The following LRFN5 variants were observed in gnomAD, a reference collection of about 807,000 sequenced individuals.
The protein encoded by LRFN5 is leucine-rich repeat and fibronectin type-III domain-containing protein 5.
In LRFN5, 24 loss-of-function variants were observed where a neutral mutation model predicts 45.6. The observed-to-expected ratio is 0.53, with a 90% CI of 0.38 to 0.74. The LOEUF (loss-of-function observed/expected upper bound fraction) is 0.74, where lower values mean the gene tolerates loss of function less well. Ranked by LOEUF, LRFN5 falls within the 30% of genes least tolerant of loss-of-function variation. LRFN5 has a pLI of 0.00. For missense variants in LRFN5, 776 were observed against 861.5 expected (o/e 0.90, Z 1.24); for synonymous variants, 340 against 313.8 (o/e 1.08, Z -0.88).
At chr14:41,695,825 C>G (rs939553679) in intron 1 of LRFN5, among the ~76,000 whole-genome samples, 6 of 151,936 alleles carry the variant, frequency 3.9e-5, no homozygotes, top group Non-Finnish European at 7.4e-5. Context: ...ATTTCCATGC[C>G]TGCTAACAAC....
At chr14:41,730,912 T>C (rs1566641120) in intron 1 of LRFN5, among the ~76,000 whole-genome samples, 1 of 152,080 alleles carries the variant, frequency 6.6e-6, no homozygotes, top group Non-Finnish European at 1.5e-5. Context: ...ATATGTTAAT[T>C]GAATGAAAGG....
At chr14:41,611,561 A>G (rs1887757772) in intron 1 of LRFN5, among the ~76,000 whole-genome samples, 1 of 152,188 alleles carries the variant, frequency 6.6e-6, no homozygotes. Context: ...CTATAAGAAC[A>G]AGCATAAGCA....
chr14:41,808,991 C>T (rs1887647206), intron 2 of LRFN5, among the ~76,000 whole-genome samples: 1 of 152,038 alleles, frequency 6.6e-6, no homozygotes. Flanking sequence ...ACTATAAGTA[C>T]CATCAGCTTT....
At chr14:41,628,958 C>T (rs1045432404) in intron 1 of LRFN5, among the ~76,000 whole-genome samples, 21 of 152,128 alleles carry the variant, frequency 1.4e-4, no homozygotes, top group African/African-American at 5.1e-4. Context: ...TTCTGACTCT[C>T]ACAACTTCCC....
At chr14:41,724,788 T>G (rs542193884) in intron 1 of LRFN5, among the ~76,000 whole-genome samples, 25 of 152,338 alleles carry the variant, frequency 1.6e-4, no homozygotes, top group Admixed American at 3.3e-4. Flanking sequence ...CCCGCCCTTA[T>G]GAGAATCATG....
intron 1 of LRFN5, among the ~76,000 whole-genome samples, chr14:41,697,359 A>G (rs1882656364): frequency 6.6e-6 from 1 of 151,890 alleles, no homozygotes; most frequent in Non-Finnish European, 1.5e-5. Context: ...TTACAAATCA[A>G]TAATCTTTTA....
At chr14:41,671,257 ACTTAT>A (rs1423167977) in intron 1 of LRFN5, among the ~76,000 whole-genome samples, 1 of 152,148 alleles carries the variant, frequency 6.6e-6, no homozygotes, top group Non-Finnish European at 1.5e-5. Flanking sequence ...GAGAATATGG[ACTTAT>A]CTTCCTAAAG....
intron 1 of LRFN5, among the ~76,000 whole-genome samples, chr14:41,736,626 G>T (rs565420328): frequency 1.1e-3 from 161 of 152,176 alleles, no homozygotes; most frequent in African/African-American, 3.6e-3. Context: ...AAGAAGAAAA[G>T]AGAGAAGAAT....
intron 1 of LRFN5, among the ~76,000 whole-genome samples, chr14:41,627,529 G>C (rs1275416239): frequency 6.6e-6 from 1 of 152,040 alleles, no homozygotes. Context: ...CTATACATTT[G>C]AGTCTAGGAG....
intron 1 of LRFN5, among the ~76,000 whole-genome samples, chr14:41,762,127 T>G (rs1885697175): frequency 2.0e-5 from 3 of 148,890 alleles, no homozygotes. Context: ...ACCCTCTGTC[T>G]TCACACCCTG....
chr14:41,818,101 T>C (rs1037591278), intron 2 of LRFN5, among the ~76,000 whole-genome samples: 7 of 152,154 alleles, frequency 4.6e-5, no homozygotes, highest in African/African-American at 1.7e-4. Context: ...AATTATTACT[T>C]ATATACTTAT....
intron 2 of LRFN5, among the ~76,000 whole-genome samples, chr14:41,880,755 T>TA (rs915737177): frequency 2.0e-5 from 3 of 152,004 alleles, no homozygotes; most frequent in African/African-American, 4.8e-5. Context: ...ACTGTGGATT[T>TA]AAAAAAAATT....
At chr14:41,768,993 A>G (rs1480259150) in intron 2 of LRFN5, among the ~76,000 whole-genome samples, 1 of 152,094 alleles carries the variant, frequency 6.6e-6, no homozygotes, top group East Asian at 1.9e-4. Context: ...TTAGCAGTCC[A>G]TTAGCGTGTA....
At chr14:41,682,971 A>T (rs1881967412) in intron 1 of LRFN5, among the ~76,000 whole-genome samples, 1 of 152,160 alleles carries the variant, frequency 6.6e-6, no homozygotes, top group Non-Finnish European at 1.5e-5. Flanking sequence ...GGCCAGTATT[A>T]CCCTGATACC....
chr14:41,691,379 A>T (rs1456148257), intron 1 of LRFN5, among the ~76,000 whole-genome samples: 1 of 152,052 alleles, frequency 6.6e-6, no homozygotes, highest in Non-Finnish European at 1.5e-5. Context: ...ATATACATGT[A>T]TATTTGGAAC....
chr14:41,666,701 C>A (rs1244286285), intron 1 of LRFN5, among the ~76,000 whole-genome samples: 1 of 151,946 alleles, frequency 6.6e-6, no homozygotes, highest in Non-Finnish European at 1.5e-5. Context: ...ATAAAAAGGC[C>A]AAGATAAAGT....
chr14:41,889,009 ATATG>A (rs1203244741), intron 3 of LRFN5, among the ~76,000 whole-genome samples: 3 of 150,030 alleles, frequency 2.0e-5, no homozygotes, highest in Admixed American at 1.3e-4. Flanking sequence ...ACACATATAT[ATATG>A]TGTGTGTATA....
intron 1 of LRFN5, among the ~76,000 whole-genome samples, chr14:41,662,926 A>C (rs983631397): frequency 5.3e-5 from 8 of 152,080 alleles, no homozygotes; most frequent in Non-Finnish European, 1.2e-4. Flanking sequence ...CACCTTCTTT[A>C]CATTTATGAG....
At chr14:41,690,167 GT>G (rs1303046102) in intron 1 of LRFN5, among the ~76,000 whole-genome samples, 1 of 151,916 alleles carries the variant, frequency 6.6e-6, no homozygotes, top group Non-Finnish European at 1.5e-5. Context: ...TAAAAAGTTT[GT>G]ACTTCATAAC....
Sources: allele counts gnomAD v4.1 joint callset (sites outside exome capture counted in the v4.1 genomes callset), GRCh38; gene constraint gnomAD v4.1.1; transcripts MANE v1.5; gene names NCBI Gene and HGNC (gene_info 2026-07-23, HGNC 2026-07-21).